CTBP2: variants seen among roughly 807,000 people sequenced by gnomAD.
CTBP2 encodes C-terminal-binding protein 2.
A neutral mutation model predicts 80.3 loss-of-function variants in CTBP2; 30 were observed. That is an observed-to-expected ratio of 0.37 (90% CI 0.28 to 0.51). CTBP2 has a LOEUF of 0.51. Ranked by LOEUF, CTBP2 falls within the 20% of genes least tolerant of loss-of-function variation. CTBP2 has a pLI of 0.93. For synonymous variants in CTBP2, 594 were observed against 587.4 expected (o/e 1.01, Z -0.16); for missense variants, 1,212 against 1,375.3 (o/e 0.88, Z 1.88).
chr10:125,084,649 C>T (rs1158955790), intron 2 of CTBP2, among the ~76,000 whole-genome samples: 1 of 152,182 alleles, frequency 6.6e-6, no homozygotes, highest in Non-Finnish European at 1.5e-5. Flanking sequence ...ACCAGTGAAG[C>T]ACTCAGAAGC....
chr10:125,008,970 C>T (rs914527863), intron 1 of CTBP2, among the ~76,000 whole-genome samples: 9 of 152,206 alleles, frequency 5.9e-5, no homozygotes, highest in Non-Finnish European at 1.0e-4. Context: ...TTCCTCCTTC[C>T]TTTGTTCCCC....
chr10:125,048,726 C>G (rs1173069071), intron 2 of CTBP2, among the ~76,000 whole-genome samples: 2 of 152,190 alleles, frequency 1.3e-5, no homozygotes, highest in African/African-American at 2.4e-5. Flanking sequence ...TTGGAAACAA[C>G]TTGGCAGAGA....
chr10:125,129,266 A>G (rs1000390792), intron 1 of CTBP2, among the ~76,000 whole-genome samples: 10 of 152,028 alleles, frequency 6.6e-5, no homozygotes, highest in Non-Finnish European at 1.2e-4. Flanking sequence ...CCCCAAGGGG[A>G]CTTTCCGGAG....
chr10:125,052,383 C>T (rs543863309), intron 2 of CTBP2, among the ~76,000 whole-genome samples: 10 of 152,322 alleles, frequency 6.6e-5, no homozygotes, highest in Non-Finnish European at 1.2e-4. Flanking sequence ...CCCCACAACA[C>T]GCAGGGAGCA....
At chr10:125,091,448 C>T (rs1848747144) in intron 2 of CTBP2, among the ~76,000 whole-genome samples, 1 of 152,188 alleles carries the variant, frequency 6.6e-6, no homozygotes, top group Admixed American at 6.5e-5. Context: ...TTGGAAGCAT[C>T]AGGGTGACCA....
intron 2 of CTBP2, among the ~76,000 whole-genome samples, chr10:125,051,006 C>T (rs966590709): frequency 6.6e-5 from 10 of 152,218 alleles, no homozygotes; most frequent in East Asian, 1.9e-4. Flanking sequence ...TACAGCTCAT[C>T]GTGAGCTACC....
At chr10:125,137,515 AAAAC>A (rs1857152484) in intron 1 of CTBP2, among the ~76,000 whole-genome samples, 1 of 152,244 alleles carries the variant, frequency 6.6e-6, no homozygotes, top group Non-Finnish European at 1.5e-5. Flanking sequence ...GCTGGAGCCA[AAAAC>A]AAAACAAAAA....
intron 2 of CTBP2, among the ~76,000 whole-genome samples, chr10:125,060,419 T>C (rs1964725264): frequency 6.6e-6 from 1 of 152,118 alleles, no homozygotes; most frequent in Admixed American, 6.5e-5. Context: ...TAAACAGAAA[T>C]GCATTTTTCC....
At chr10:125,044,568 A>G (rs1003387557) in intron 2 of CTBP2, among the ~76,000 whole-genome samples, 1 of 152,252 alleles carries the variant, frequency 6.6e-6, no homozygotes, top group Non-Finnish European at 1.5e-5. Flanking sequence ...ACGGGTGATG[A>G]GCATTTTATT....
intron 1 of CTBP2, among the ~76,000 whole-genome samples, chr10:125,159,534 C>T (rs1350055220): frequency 6.7e-6 from 1 of 149,178 alleles, no homozygotes; most frequent in Non-Finnish European, 1.5e-5. Context: ...CCCGGCTGCC[C>T]GGAGGAGCCA....
intron 1 of CTBP2, among the ~76,000 whole-genome samples, chr10:125,112,842 C>T (rs1464083331): frequency 2.6e-5 from 4 of 152,296 alleles, no homozygotes; most frequent in African/African-American, 9.6e-5. Context: ...GGATCCAATC[C>T]CGTGACAGGC....
In CTBP2 at chr10:125,140,885, T is replaced by C. The variant is rs571400052; in HGVS notation, c.-206+19434A>G. On this transcript the variant is annotated intron_variant, in intron 1 of 10. Coordinates refer to the CTBP2 transcript ENST00000337195. The stretch of plus-strand genomic sequence containing the variant: ...CTGGGCATGGTGGCTCACACCTGCA[T>C]ACCCAGCACTTTGGGAGGCCGAGAC... Among the ~76,000 whole-genome samples the C allele has an allele frequency of 1.7e-3, 254 of 150,240 alleles. 1 individual carries two copies. Among genetic ancestry groups the C allele is most frequent in the African/African-American group, 6.0e-3 (244 of 40,842 alleles).
At chr10:125,005,535 C>T (rs1234276986) in intron 1 of CTBP2, 2 of 1,604,034 alleles carry the variant, frequency 1.2e-6, no homozygotes, top group East Asian at 2.2e-5. Context: ...GCCAACACCC[C>T]CGTGTCCTCA....
intron 2 of CTBP2, among the ~76,000 whole-genome samples, chr10:125,046,197 C>T (rs1348082340): frequency 6.6e-6 from 1 of 152,106 alleles, no homozygotes; most frequent in Non-Finnish European, 1.5e-5. Context: ...ATAGACTCAA[C>T]AATTTAGGGC....
intron 2 of CTBP2, among the ~76,000 whole-genome samples, chr10:125,086,114 C>T (rs774106965): frequency 6.6e-6 from 1 of 152,180 alleles, no homozygotes; most frequent in African/African-American, 2.4e-5. Context: ...ATGTTTGTGT[C>T]CCCCTGCAAA....
chr10:125,074,101 C>T (rs1387973902), intron 2 of CTBP2, among the ~76,000 whole-genome samples: 1 of 152,180 alleles, frequency 6.6e-6, no homozygotes, highest in African/African-American at 2.4e-5. Context: ...TGTTCATAAG[C>T]CTGGCCTCTA....
intron 1 of CTBP2, among the ~76,000 whole-genome samples, chr10:125,014,160 T>C (rs1956231497): frequency 1.3e-5 from 2 of 152,180 alleles, no homozygotes; most frequent in Admixed American, 1.3e-4. Flanking sequence ...AACACGTGTG[T>C]GCTGGCCCCA....
upstream of CTBP2, among the ~76,000 whole-genome samples, chr10:125,032,239 C>A (rs898017524): frequency 6.6e-6 from 1 of 152,140 alleles, no homozygotes; most frequent in Non-Finnish European, 1.5e-5. Flanking sequence ...GGACAGCACC[C>A]GGCACAAGAC....
intron 2 of CTBP2, among the ~76,000 whole-genome samples, chr10:125,087,513 C>G (rs1848173718): frequency 6.6e-6 from 1 of 152,188 alleles, no homozygotes; most frequent in Non-Finnish European, 1.5e-5. Flanking sequence ...CCCCAGTCCC[C>G]CTGAAGGGCA....
Sources: allele counts gnomAD v4.1 joint callset (sites outside exome capture counted in the v4.1 genomes callset), GRCh38; gene constraint gnomAD v4.1.1; transcripts MANE v1.5; gene names NCBI Gene and HGNC (gene_info 2026-07-23, HGNC 2026-07-21).